The following OXR1 variants were observed in gnomAD, a reference collection of about 807,000 sequenced individuals.
OXR1 encodes oxidation resistance 1.
OXR1 carries 41 observed loss-of-function variants against 104.6 expected under a neutral mutation model. The ratio of observed to expected loss-of-function variants is 0.39; its 90% CI spans 0.31 to 0.51. The LOEUF (loss-of-function observed/expected upper bound fraction) is 0.51, where lower values mean the gene tolerates loss of function less well. Ranked by LOEUF, OXR1 falls within the 20% of genes least tolerant of loss-of-function variation. The pLI is 0.77. For synonymous variants in OXR1, 348 were observed against 348.4 expected (o/e 1.00, Z 0.01); for missense variants, 955 against 1,031.9 (o/e 0.93, Z 1.02).
intron 1 of OXR1, among the ~76,000 whole-genome samples, chr8:106,273,788 C>T (rs1811913339): frequency 1.3e-5 from 2 of 152,044 alleles, no homozygotes. Flanking sequence ...GTTTTTCAGC[C>T]TTTAAAAAAC....
intron 3 of OXR1, among the ~76,000 whole-genome samples, chr8:106,535,137 G>A (rs996631797): frequency 6.6e-6 from 1 of 151,954 alleles, no homozygotes; most frequent in Non-Finnish European, 1.5e-5. Context: ...TAATTTTTTT[G>A]TATTTTTAGT....
intron 6 of OXR1, among the ~76,000 whole-genome samples, chr8:106,690,951 A>T (rs1293716661): frequency 1.3e-5 from 2 of 152,012 alleles, no homozygotes; most frequent in Non-Finnish European, 2.9e-5. Flanking sequence ...CAAATTTTCA[A>T]TCGCAAAAGA....
At chr8:106,481,732 A>G (rs1822126349) in intron 2 of OXR1, among the ~76,000 whole-genome samples, 1 of 152,064 alleles carries the variant, frequency 6.6e-6, no homozygotes, top group African/African-American at 2.4e-5. Context: ...TACTTTGAAA[A>G]CAATGCTAAA....
chr8:106,310,008 G>T (rs1392738366), intron 1 of OXR1, among the ~76,000 whole-genome samples: 2 of 151,378 alleles, frequency 1.3e-5, no homozygotes, highest in African/African-American at 2.4e-5. Context: ...CATTTTTTAT[G>T]TTTTTGTTTT....
At chr8:106,443,886 T>C (rs759834640) in intron 2 of OXR1, among the ~76,000 whole-genome samples, 1 of 152,110 alleles carries the variant, frequency 6.6e-6, no homozygotes, top group Non-Finnish European at 1.5e-5. Context: ...CAAAAGAAAC[T>C]ATCATCAGAG....
At chr8:106,661,469 G>T (rs1451458935) in intron 3 of OXR1, among the ~76,000 whole-genome samples, 3 of 152,046 alleles carry the variant, frequency 2.0e-5, no homozygotes, top group Non-Finnish European at 4.4e-5. Flanking sequence ...CTGATTAACG[G>T]GTACATTATG....
intron 3 of OXR1, among the ~76,000 whole-genome samples, chr8:106,593,164 A>T (rs1819230996): frequency 6.6e-6 from 1 of 152,078 alleles, no homozygotes; most frequent in Non-Finnish European, 1.5e-5. Flanking sequence ...CTGTTATTTG[A>T]CTGCCTACCT....
intron 3 of OXR1, among the ~76,000 whole-genome samples, chr8:106,627,777 T>C (rs564886957): frequency 1.7e-4 from 26 of 152,296 alleles, no homozygotes; most frequent in African/African-American, 6.0e-4. Flanking sequence ...GTGGGATTCA[T>C]AGTGGAAAGC....
At chr8:106,277,880 A>C (rs1407400374) in intron 1 of OXR1, among the ~76,000 whole-genome samples, 1 of 152,182 alleles carries the variant, frequency 6.6e-6, no homozygotes, top group African/African-American at 2.4e-5. Context: ...AGAGCCCTCC[A>C]CCAGTCATAG....
intron 1 of OXR1, among the ~76,000 whole-genome samples, chr8:106,285,089 G>T (rs1333949214): frequency 6.6e-6 from 1 of 152,040 alleles, no homozygotes; most frequent in East Asian, 1.9e-4. Context: ...TTTACATTAG[G>T]TATATCTCCT....
At chr8:106,368,550 C>T (rs1056141155) in intron 2 of OXR1, among the ~76,000 whole-genome samples, 7 of 151,828 alleles carry the variant, frequency 4.6e-5, no homozygotes, top group Admixed American at 3.9e-4. Context: ...CCCCTCCCCT[C>T]AACCCCCACC....
At chr8:106,511,912 A>G (rs1208101483) in intron 2 of OXR1, among the ~76,000 whole-genome samples, 1 of 152,168 alleles carries the variant, frequency 6.6e-6, no homozygotes, top group Non-Finnish European at 1.5e-5. Flanking sequence ...ACCTCTACCA[A>G]TAGGACATAT....
At chr8:106,708,202 G>A (rs1408080714) in intron 9 of OXR1, among the ~76,000 whole-genome samples, 1 of 151,844 alleles carries the variant, frequency 6.6e-6, no homozygotes, top group African/African-American at 2.4e-5. Flanking sequence ...GAACAGCTTG[G>A]GCACCATGGC....
chr8:106,287,232 CAT>C (rs1408035923), intron 1 of OXR1, among the ~76,000 whole-genome samples: 4 of 152,044 alleles, frequency 2.6e-5, no homozygotes, highest in Non-Finnish European at 2.9e-5. Context: ...ACGTGTGAAA[CAT>C]GTATAAATTA....
chr8:106,429,956 C>G (rs1028782306), intron 2 of OXR1, among the ~76,000 whole-genome samples: 1 of 152,040 alleles, frequency 6.6e-6, no homozygotes, highest in Admixed American at 6.6e-5. Context: ...AATAATTTCT[C>G]TTTGAATTGA....
intron 11 of OXR1, among the ~76,000 whole-genome samples, chr8:106,730,270 G>T (rs553084523): frequency 8.5e-5 from 13 of 152,090 alleles, no homozygotes; most frequent in Admixed American, 2.6e-4. Flanking sequence ...TTACATTAAG[G>T]TTCATTCTTT....
intron 2 of OXR1, among the ~76,000 whole-genome samples, chr8:106,508,638 A>G (rs1586737079): frequency 1.3e-5 from 2 of 152,228 alleles, no homozygotes; most frequent in East Asian, 1.9e-4. Context: ...AAACATTTAT[A>G]ATGACTTAAG....
At chr8:106,381,412 T>C (rs944104369) in intron 2 of OXR1, among the ~76,000 whole-genome samples, 1 of 152,056 alleles carries the variant, frequency 6.6e-6, no homozygotes, top group Admixed American at 6.5e-5. Context: ...GATTTGAGCA[T>C]GTTTGAAGGA....
chr8:106,694,912 C>CATATTTATATATATAAATATAAA (rs1554622735), intron 7 of OXR1, among the ~76,000 whole-genome samples: 1 of 107,692 alleles, frequency 9.3e-6, no homozygotes, highest in Non-Finnish European at 1.8e-5. Flanking sequence ...TATCTATTTA[C>CATATTTATATATATAAATATAAA]ATATTTATAT....
Sources: allele counts gnomAD v4.1 joint callset (sites outside exome capture counted in the v4.1 genomes callset), GRCh38; gene constraint gnomAD v4.1.1; transcripts MANE v1.5; gene names NCBI Gene and HGNC (gene_info 2026-07-23, HGNC 2026-07-21).